Variants in BRCC3 observed in about 807,000 individuals in gnomAD.
The protein encoded by BRCC3 is BRCA1/BRCA2-containing complex subunit 3.
BRCC3 carries 15 observed loss-of-function variants against 28.0 expected under a neutral mutation model. The observed-to-expected ratio is 0.54, with a 90% CI of 0.36 to 0.82. The LOEUF (loss-of-function observed/expected upper bound fraction) is 0.82, where lower values mean the gene tolerates loss of function less well. BRCC3 is among the 40% of genes least tolerant of loss of function. The pLI is 0.01. For missense variants in BRCC3, 109 were observed against 225.9 expected, an observed-to-expected ratio of 0.48 and a Z score of 3.32; for synonymous variants, 66 against 80.3, an observed-to-expected ratio of 0.82 and a Z score of 0.95.
At chrX:155,099,683 T>G (rs2074235258) in intron 7 of BRCC3, among the ~76,000 whole-genome samples, 1 of 112,343 alleles carries the variant, frequency 8.9e-6, no homozygotes, top group African/African-American at 3.2e-5. Context: ...TTAGCATTTG[T>G]TTGCCTATTA....
chrX:155,097,642 A>C (rs1430394195), intron 7 of BRCC3, among the ~76,000 whole-genome samples: 1 of 112,634 alleles, frequency 8.9e-6, no homozygotes, highest in African/African-American at 3.2e-5. Context: ...ACATGGAGAA[A>C]TTGGAACCCT....
chrX:155,091,438 A>G (rs990328166), intron 7 of BRCC3, among the ~76,000 whole-genome samples: 1 of 109,798 alleles, frequency 9.1e-6, no homozygotes, highest in South Asian at 3.9e-4. Flanking sequence ...CGCGCAGCTA[A>G]TTTTTGTATT....
chrX:155,078,821 C>T, intron 5 of BRCC3, 118 bp downstream of exon 5: 1 of 426,036 alleles, frequency 2.3e-6, no homozygotes, highest in East Asian at 4.2e-5. Flanking sequence ...TAGCAGATGT[C>T]ATTATTTTGA....
chrX:155,081,176 T>G (rs1397583047), intron 5 of BRCC3, among the ~76,000 whole-genome samples: 4 of 109,932 alleles, frequency 3.6e-5, no homozygotes, highest in African/African-American at 1.3e-4. Flanking sequence ...ATTAAAAATG[T>G]AAAAATTAGA....
chrX:155,087,255 C>T (rs1446513227), intron 5 of BRCC3, among the ~76,000 whole-genome samples: 2 of 111,594 alleles, frequency 1.8e-5, no homozygotes, highest in African/African-American at 3.3e-5. Context: ...GCTTCGCCGG[C>T]GAGAAGAATA....
At chrX:155,086,498 G>A (rs1177031851) in intron 5 of BRCC3, among the ~76,000 whole-genome samples, 2 of 110,269 alleles carry the variant, frequency 1.8e-5, no homozygotes, top group African/African-American at 3.3e-5. Flanking sequence ...TCACAGGCAC[G>A]CGCCACCACG....
Position 155,116,165 on chromosome X carries a change from G to A in BRCC3, c.657G>A (p.Gln219=), listed in dbSNP as rs782471614. The A allele has an allele frequency of 2.5e-6, 3 of 1,196,688 alleles. No homozygotes were observed. The highest frequency in any genetic ancestry group is 3.4e-6 in the Non-Finnish European group (3 of 887,269). The part of the protein sequence containing the change: ...ELPKILCQEE[Q]DAYRRIHSLT... ...CCAAGATCCTGTGCCAGGAGGAGCA[G>A]GATGCGTATAGGAGGATCCACAGGT... Residue 219 remains glutamine, a synonymous_variant, in exon 8 of 11, where the codon CAG becomes CAA. Transcript: ENST00000330045.
At chrX:155,076,320 T>C (rs1009717089) in intron 3 of BRCC3, among the ~76,000 whole-genome samples, 1 of 109,921 alleles carries the variant, frequency 9.1e-6, no homozygotes, top group Non-Finnish European at 1.9e-5. Flanking sequence ...ACCCAGGAGG[T>C]AGACGTTGCA....
At position 155,090,833 on chromosome X, in the gene BRCC3, G is replaced by A. The variant is rs782319368; in HGVS notation, c.542G>A (p.Ser181Asn). ...TCFQSIQAQK[S>N]SEYERIEIPI... is the part of the protein sequence containing the mutation. ...TTCCAATCCATACAGGCCCAAAAGA[G>A]TTCAGAGTAAGTATGAGAGAGACTT... Residue 181 changes from serine to asparagine, a missense_variant, in exon 7 of 11, where the codon AGT becomes AAT. Physicochemically the swap from Ser to Asn is conservative, Grantham distance 46. Around this residue, in one of 3 missense-constraint regions of BRCC3, gnomAD observed 50 missense variants for 115.2 expected, o/e 0.43. Coordinates refer to ENST00000330045, the MANE Select transcript of BRCC3 (RefSeq NM_001018055.3). 1.3e-5 allele frequency: 15 copies of A among 1,180,822 alleles called. No individual in the cohort carries two copies. The highest frequency in any genetic ancestry group is 1.7e-5 in the Non-Finnish European group (15 of 871,165).
At chrX:155,090,681 G>A (rs2074168396) in intron 6 of BRCC3, 103 bp from the exon 7 acceptor site, 5 of 584,629 alleles carry the variant, frequency 8.6e-6, no homozygotes, top group Admixed American at 3.1e-5. Flanking sequence ...TTCCATCTTT[G>A]GTATCTCTTT....
At chrX:155,073,563 TCTA>T in intron 3 of BRCC3, 132 bp downstream of exon 3, 2 of 774,028 alleles carry the variant, frequency 2.6e-6, no homozygotes, top group South Asian at 5.3e-5. Context: ...AGATGAAGAA[TCTA>T]CTCACTAGGA....
Position 155,122,427 on chromosome X carries a change from A to G in BRCC3, c.*1223A>G, listed in dbSNP as rs2074393402. 8.9e-6 allele frequency: 1 copy of G among 112,415 alleles called. No individual in the cohort carries two copies. Among genetic ancestry groups the G allele is most frequent in the South Asian group, 3.6e-4 (1 of 2,742 alleles). 9.3% of individuals were successfully genotyped at this position (112,415 alleles called of 1,213,427 possible). A position where few individuals can be genotyped will look rare whatever the true frequency, so the allele number is the denominator to read the frequency against. On this transcript the variant is annotated 3_prime_UTR_variant, in exon 11 of 11. Transcript: ENST00000330045. The stretch of plus-strand genomic sequence containing the variant: ...GTAAAATGGTACAGCCACTCTGGGA[A>G]AGAGTTTATGAATTTCTTATCAAGT...
rs782718012 is a variant in BRCC3, at chrX:155,106,202, T to C, written c.549-9855T>C. ...TTTCGGGAGTGTTGTTTTTCTCATA[T>C]AGGTTTTGTATATGTCATACTGAAA... On this transcript the variant is annotated intron_variant, in intron 7 of 10. Transcript: ENST00000330045. 7.1e-5 allele frequency among the ~76,000 whole-genome samples: 8 copies of C among 112,385 alleles called. No individual in the cohort carries two copies. The East Asian group carries it at 1.9e-3, about 27-fold the overall frequency.
Position 155,122,829 on chromosome X carries a change from A to T in BRCC3, c.*1625A>T, listed in dbSNP as rs1408034454. The stretch of plus-strand genomic sequence containing the variant: ...AATGAAGAACAGATTAATGGTTGCC[A>T]GGGATAGGGACTGGAGGGGGTGTGG... On this transcript the variant is annotated 3_prime_UTR_variant, in exon 11 of 11. Transcript: ENST00000330045. The T allele has an allele frequency of 2.7e-5, 3 of 111,838 alleles. No homozygotes were observed. The highest frequency in any genetic ancestry group is 9.8e-5 in the African/African-American group (3 of 30,758). 9.2% of individuals were successfully genotyped at this position (111,838 alleles called of 1,213,427 possible). A position where few individuals can be genotyped will look rare whatever the true frequency, so the allele number is the denominator to read the frequency against.
intron 10 of BRCC3, among the ~76,000 whole-genome samples, chrX:155,120,966 G>A (rs1254621138): frequency 2.7e-5 from 3 of 111,797 alleles, no homozygotes; most frequent in Non-Finnish European, 5.6e-5. Flanking sequence ...TATGCTTGTT[G>A]GATACTAGAA....
intron 7 of BRCC3, chrX:155,099,390 G>A (rs782731183): frequency 1.7e-5 from 21 of 1,205,532 alleles, no homozygotes; most frequent in Non-Finnish European, 2.4e-5. Context: ...AAGAGGAAAG[G>A]TAGGAGGGCA....
At chrX:155,093,728 C>T (rs1486185793) in intron 7 of BRCC3, among the ~76,000 whole-genome samples, 1 of 108,747 alleles carries the variant, frequency 9.2e-6, no homozygotes, top group Non-Finnish European at 1.9e-5. Context: ...ATCCTTTTCT[C>T]TATTCTTTGA....
Position 155,107,897 on chromosome X carries a change from T to G in BRCC3, c.549-8160T>G, listed in dbSNP as rs186833574. Among the ~76,000 whole-genome samples the G allele has an allele frequency of 2.1e-4, 23 of 111,326 alleles. No homozygotes were observed. In the East Asian group the frequency reaches 6.2e-3, roughly 30 times the overall value. ...TTTGTCATAAACTTAGTTTGGTTGG[T>G]TGGTCTTAGCTTTTCAATTGAAGTG... On this transcript the variant is annotated intron_variant, in intron 7 of 10. Coordinates refer to ENST00000330045, the MANE Select transcript of BRCC3 (RefSeq NM_001018055.3).
chrX:155,101,052 C>T (rs1393048001), intron 7 of BRCC3, among the ~76,000 whole-genome samples: 5 of 110,517 alleles, frequency 4.5e-5, no homozygotes, highest in African/African-American at 1.7e-4. Context: ...TGCCACCAGG[C>T]TTGGCTATTT....
Sources: allele counts gnomAD v4.1 joint callset (sites outside exome capture counted in the v4.1 genomes callset), GRCh38; gene constraint gnomAD v4.1.1; regional missense constraint gnomAD v4.1.1; transcripts MANE v1.5; gene names NCBI Gene and HGNC (gene_info 2026-07-23, HGNC 2026-07-21).